The following MKLN1 variants were observed in gnomAD, a reference collection of about 807,000 sequenced individuals.
The protein encoded by MKLN1 is muskelin.
MKLN1 carries 18 observed loss-of-function variants against 99.0 expected under a neutral mutation model. The observed-to-expected ratio is 0.18, with a 90% CI of 0.13 to 0.27. MKLN1 has a LOEUF of 0.27. MKLN1 is among the 10% of genes least tolerant of loss of function. MKLN1 has a pLI of 1.00. For missense variants in MKLN1, 621 were observed against 875.9 expected, an observed-to-expected ratio of 0.71 and a Z score of 3.67; for synonymous variants, 288 against 293.2, an observed-to-expected ratio of 0.98 and a Z score of 0.18.
At position 131,496,277 on chromosome 7, in the gene MKLN1, T is replaced by G. The variant is rs529184523; in HGVS notation, c.*8549T>G. 6.6e-6 allele frequency: 1 copy of G among 152,252 alleles called. No individual in the cohort carries two copies. The highest frequency in any genetic ancestry group is 1.5e-5 in the Non-Finnish European group (1 of 68,046). The allele number at this position is 152,252 out of a possible 1,614,324, so 9.4% of individuals were successfully genotyped here. A position where few individuals can be genotyped will look rare whatever the true frequency, so the allele number is the denominator to read the frequency against. On this transcript the variant is annotated 3_prime_UTR_variant, in exon 18 of 18. Coordinates refer to ENST00000352689, the MANE Select transcript of MKLN1 (RefSeq NM_013255.5). Reference sequence around the variant, plus strand: ...ATCATGGGACTCTGGAAAGCTGGCATGAGCTGGTTGGAGCTTTTAAACAGA... The same window carrying G: ...ATCATGGGACTCTGGAAAGCTGGCAGGAGCTGGTTGGAGCTTTTAAACAGA...
At chr7:131,204,334 C>T (rs1796773723) in intron 3 of MKLN1, among the ~76,000 whole-genome samples, 1 of 152,154 alleles carries the variant, frequency 6.6e-6, no homozygotes, top group Admixed American at 6.6e-5. Flanking sequence ...GTATGATCAT[C>T]TTTTGCTTCT....
chr7:131,325,724 T>G (rs1182106759), upstream of MKLN1, among the ~76,000 whole-genome samples: 1 of 151,408 alleles, frequency 6.6e-6, no homozygotes, highest in African/African-American at 2.4e-5. Flanking sequence ...ACCAAAAAAA[T>G]TTCCAGGACC....
At position 131,483,424 on chromosome 7, in the gene MKLN1, G is replaced by A. The variant is rs140687026; in HGVS notation, c.2087-4183G>A. On this transcript the variant is annotated intron_variant, in intron 17 of 17. Coordinates refer to ENST00000352689, the MANE Select transcript of MKLN1 (RefSeq NM_013255.5). Reference sequence around the variant, plus strand: ...GTTCTCATTATTCAAAGAGTACAGAGTTAGGTTCCTACAAGCCTCTGGTCA... The same window carrying A: ...GTTCTCATTATTCAAAGAGTACAGAATTAGGTTCCTACAAGCCTCTGGTCA... Among the ~76,000 whole-genome samples the A allele has an allele frequency of 9.9e-5, 15 of 152,234 alleles. 1 individual carries two copies. The East Asian group carries it at 2.9e-3, about 29-fold the overall frequency.
At chr7:131,436,902 A>G (rs539492268) in intron 9 of MKLN1, among the ~76,000 whole-genome samples, 1 of 152,254 alleles carries the variant, frequency 6.6e-6, no homozygotes, top group East Asian at 1.9e-4. Flanking sequence ...TATTTATTCA[A>G]TCAGGAAAAT....
At chr7:131,462,844 C>T (rs1345946214) in intron 12 of MKLN1, among the ~76,000 whole-genome samples, 1 of 152,136 alleles carries the variant, frequency 6.6e-6, no homozygotes, top group Non-Finnish European at 1.5e-5. Context: ...CTAGTAGGGG[C>T]TGGATGTGGT....
intron 3 of MKLN1, among the ~76,000 whole-genome samples, chr7:131,224,065 C>A (rs1301885465): frequency 6.6e-6 from 1 of 152,004 alleles, no homozygotes; most frequent in East Asian, 1.9e-4. Flanking sequence ...AACCCACCTG[C>A]ATTTGCATCT....
intron 1 of MKLN1, among the ~76,000 whole-genome samples, chr7:131,346,711 G>C (rs1393418315): frequency 6.6e-6 from 1 of 152,132 alleles, no homozygotes; most frequent in Non-Finnish European, 1.5e-5. Flanking sequence ...TTGCACTTTC[G>C]AATTACTTGT....
At chr7:131,179,731 T>C (rs567653372) in intron 2 of MKLN1, among the ~76,000 whole-genome samples, 1 of 151,994 alleles carries the variant, frequency 6.6e-6, no homozygotes, top group East Asian at 1.9e-4. Context: ...CATGCTGCCA[T>C]GCCCAGCTAA....
At chr7:131,194,271 T>G (rs1344570181) in intron 2 of MKLN1, among the ~76,000 whole-genome samples, 3 of 152,158 alleles carry the variant, frequency 2.0e-5, no homozygotes, top group South Asian at 2.1e-4. Flanking sequence ...CCATGTCCAT[T>G]ACGCAATTGC....
upstream of MKLN1, among the ~76,000 whole-genome samples, chr7:131,324,821 A>G (rs1460766314): frequency 6.6e-6 from 1 of 152,208 alleles, no homozygotes; most frequent in Non-Finnish European, 1.5e-5. Flanking sequence ...CATAATTTAA[A>G]AGGATTTGCA....
Position 131,201,827 on chromosome 7 carries a change from G to A in MKLN1, c.-296-1030G>A, listed in dbSNP as rs1206114532. On this transcript the variant is annotated intron_variant, in intron 2 of 7. Coordinates refer to the MKLN1 transcript ENST00000416992. ...TGAATATGTTCAGTTCCTGTTCACT[G>A]AGCAGTTACTATATGCTTGGCATCA... Among the ~76,000 whole-genome samples the A allele has an allele frequency of 2.0e-5, 3 of 152,154 alleles. No homozygotes were observed. The East Asian group carries it at 5.8e-4, about 29-fold the overall frequency.
intron 3 of MKLN1, among the ~76,000 whole-genome samples, chr7:131,222,704 AC>A (rs1219941324): frequency 6.6e-6 from 1 of 152,016 alleles, no homozygotes; most frequent in Non-Finnish European, 1.5e-5. Flanking sequence ...AGCCATTTCT[AC>A]CCATATAAAC....
chr7:131,327,756 C>A, upstream of MKLN1: 1 of 1,396,206 alleles, frequency 7.2e-7, no homozygotes, highest in Non-Finnish European at 9.4e-7. Flanking sequence ...GGACATTGGC[C>A]CGGCGCTGGG....
In MKLN1 at chr7:131,225,110, C is replaced by T. The variant is rs187956270; in HGVS notation, c.-179+22136C>T. 1.7e-4 allele frequency among the ~76,000 whole-genome samples: 25 copies of T among 151,314 alleles called. No individual in the cohort carries two copies. The Middle Eastern group carries it at 0.01, about 63-fold the overall frequency. On this transcript the variant is annotated intron_variant, in intron 3 of 7. Coordinates refer to the MKLN1 transcript ENST00000416992. ...AAAGAAATACTAGAGATTTGGGGGA[C>T]GGTGTCTTTTAGTCTGTTCAGGCTG...
chr7:131,344,968 A>T (rs1037588650), intron 1 of MKLN1, among the ~76,000 whole-genome samples: 1 of 151,038 alleles, frequency 6.6e-6, no homozygotes, highest in Non-Finnish European at 1.5e-5. Context: ...CGCCTGGCTA[A>T]TTTTTTTTTG....
chr7:131,167,127 G>C (rs193053983), intron 2 of MKLN1, among the ~76,000 whole-genome samples: 1 of 151,616 alleles, frequency 6.6e-6, no homozygotes, highest in Admixed American at 6.6e-5. Context: ...TTGTTTACTT[G>C]CTTATATCAC....
chr7:131,243,500 C>A (rs1209865443), intron 3 of MKLN1, among the ~76,000 whole-genome samples: 1 of 152,160 alleles, frequency 6.6e-6, no homozygotes, highest in Admixed American at 6.5e-5. Context: ...TAATCCTAAA[C>A]CTATTCTCAA....
At chr7:131,264,815 T>C (rs1797784002) in intron 3 of MKLN1, among the ~76,000 whole-genome samples, 1 of 152,102 alleles carries the variant, frequency 6.6e-6, no homozygotes, top group Non-Finnish European at 1.5e-5. Context: ...ATTAGTAAAA[T>C]ACATTTTCTC....
chr7:131,200,921 T>C (rs1285226246), intron 2 of MKLN1, among the ~76,000 whole-genome samples: 2 of 152,224 alleles, frequency 1.3e-5, no homozygotes, highest in African/African-American at 4.8e-5. Context: ...GCTACTTTGT[T>C]TTACTGTTAT....
Sources: gnomAD v4.1 joint callset for allele counts (sites outside exome capture counted in the v4.1 genomes callset) on GRCh38, gnomAD v4.1.1 for gene constraint, MANE v1.5 for transcripts, NCBI Gene and HGNC (gene_info 2026-07-23, HGNC 2026-07-21) for gene names.